The following SYNPR variants were observed in gnomAD, a reference collection of about 807,000 sequenced individuals.
The protein encoded by SYNPR is synaptoporin.
In SYNPR, 23 loss-of-function variants were observed where a neutral mutation model predicts 32.9. The ratio of observed to expected loss-of-function variants is 0.70; its 90% CI spans 0.50 to 0.99. SYNPR has a LOEUF of 0.99. Among genes scored for constraint, SYNPR ranks in the 50% least tolerant of loss-of-function variants. The pLI is 0.00. For missense variants in SYNPR, 318 were observed against 349.3 expected, an observed-to-expected ratio of 0.91 and a Z score of 0.71; for synonymous variants, 146 against 135.9, an observed-to-expected ratio of 1.07 and a Z score of -0.52.
At chr3:63,448,319 A>G (rs1700316911) in intron 2 of SYNPR, among the ~76,000 whole-genome samples, 1 of 152,162 alleles carries the variant, frequency 6.6e-6, no homozygotes, top group Admixed American at 6.6e-5. Context: ...CAATCTTTAA[A>G]TCCTCCCAAA....
At chr3:63,513,187 A>G (rs1701731737) in intron 3 of SYNPR, among the ~76,000 whole-genome samples, 1 of 126,096 alleles carries the variant, frequency 7.9e-6, no homozygotes. Context: ...ACACATAAGG[A>G]GAATTTGTTG....
intron 2 of SYNPR, among the ~76,000 whole-genome samples, chr3:63,282,573 C>T (rs995314501): frequency 2.9e-4 from 44 of 151,550 alleles, no homozygotes; most frequent in African/African-American, 1.0e-3. Context: ...GCCCCAGCTA[C>T]TTCTGAAACT....
At chr3:63,294,780 T>A (rs1030768305) in intron 2 of SYNPR, among the ~76,000 whole-genome samples, 2 of 152,222 alleles carry the variant, frequency 1.3e-5, no homozygotes, top group African/African-American at 2.4e-5. Context: ...ATTTATATTA[T>A]TTATTAATGT....
intron 2 of SYNPR, among the ~76,000 whole-genome samples, chr3:63,436,214 G>C (rs567444491): frequency 2.4e-4 from 36 of 151,912 alleles, no homozygotes; most frequent in African/African-American, 7.0e-4. Context: ...TAAGTTTTAG[G>C]GTAGATGTGC....
chr3:63,609,139 T>C lies in SYNPR; in HGVS notation c.423T>C (p.Thr141=), dbSNP rs1700162256. The C allele has an allele frequency of 1.2e-6, 2 of 1,608,746 alleles. No homozygotes were observed. Among genetic ancestry groups the C allele is most frequent in the East Asian group, 2.2e-5 (1 of 44,810 alleles). The change falls in exon 5 of 6, where the codon ACT becomes ACC. Residue 141 remains threonine, a synonymous_variant. Coordinates refer to ENST00000478300, the MANE Select transcript of SYNPR (RefSeq NM_001130003.2). ...NRGPLIDFIV[T]VVFSFLWLVG... ...TGTTTCTGTAGGACTTCATTGTCAC[T>C]GTAGTCTTTTCGTTCTTGTGGTTGG... is the stretch of plus-strand genomic sequence containing the variant.
chr3:63,615,030 T>C (rs551060861), intron 5 of SYNPR, among the ~76,000 whole-genome samples, 194 bp from the exon 6 acceptor site: 2 of 152,220 alleles, frequency 1.3e-5, no homozygotes, highest in Non-Finnish European at 2.9e-5. Context: ...CTTTATGTAG[T>C]GCCTGACATG....
intron 2 of SYNPR, among the ~76,000 whole-genome samples, chr3:63,384,165 T>C (rs1295742875): frequency 6.6e-6 from 1 of 152,248 alleles, no homozygotes; most frequent in Non-Finnish European, 1.5e-5. Context: ...AGCTATACTT[T>C]TTCCTGAACA....
intron 4 of SYNPR, among the ~76,000 whole-genome samples, chr3:63,608,912 T>A (rs2106903478): frequency 6.6e-6 from 1 of 152,276 alleles, no homozygotes; most frequent in South Asian, 2.1e-4. Context: ...AAGCATTTAA[T>A]AAATATTACT....
At chr3:63,477,836 T>A (rs1447445567) in intron 2 of SYNPR, among the ~76,000 whole-genome samples, 1 of 152,246 alleles carries the variant, frequency 6.6e-6, no homozygotes, top group Non-Finnish European at 1.5e-5. Context: ...CAAGAGCATG[T>A]CAGCAGGGAA....
chr3:63,523,475 C>A (rs941524807), intron 3 of SYNPR, among the ~76,000 whole-genome samples: 42 of 152,096 alleles, frequency 2.8e-4, no homozygotes, highest in African/African-American at 8.9e-4. Flanking sequence ...CCCTGGCCAC[C>A]CCCTACCTCA....
At position 63,241,040 on chromosome 3, in the gene SYNPR, T is replaced by TA. The variant is rs200871584; in HGVS notation, n.67-11449dup. On this transcript the variant is annotated intron_variant and non_coding_transcript_variant, in intron 1 of 4. Transcript: ENST00000478456. ...TATAGGTAATTCAGTCTGAAGACAT[T>TA]AAAAAAAAAATCCATGCTTTGCACA... Among the ~76,000 whole-genome samples the TA allele has an allele frequency of 1.8e-3, 262 of 149,700 alleles. 2 individuals are homozygous for TA. In the East Asian group the frequency reaches 0.044, roughly 25 times the overall value.
intron 1 of SYNPR, among the ~76,000 whole-genome samples, chr3:63,228,816 TG>T (rs1483663269): frequency 6.6e-6 from 1 of 151,206 alleles, no homozygotes; most frequent in Non-Finnish European, 1.5e-5. Context: ...AGAAAGTGCA[TG>T]GGAAAAAACA....
In SYNPR at chr3:63,292,958, C is replaced by T. The variant is rs377354479; in HGVS notation, c.84+14216C>T. Among the ~76,000 whole-genome samples, 5 of 152,180 alleles carry T rather than the reference C, an allele frequency of 3.3e-5. No individual in the cohort carries two copies. The South Asian group carries it at 1.0e-3, about 31-fold the overall frequency. On this transcript the variant is annotated intron_variant, in intron 2 of 5. Coordinates refer to ENST00000478300, the MANE Select transcript of SYNPR (RefSeq NM_001130003.2). Reference sequence around the variant, plus strand: ...GTTCTAGATCAGCATCCCAGACACACCATAGCCTCAGGCCGTCTGTAGGCT... The same window carrying T: ...GTTCTAGATCAGCATCCCAGACACATCATAGCCTCAGGCCGTCTGTAGGCT...
At chr3:63,391,013 G>A (rs2088126876) in intron 2 of SYNPR, among the ~76,000 whole-genome samples, 1 of 152,200 alleles carries the variant, frequency 6.6e-6, no homozygotes, top group Non-Finnish European at 1.5e-5. Flanking sequence ...CTCAATATTT[G>A]TTGAATGAAT....
intron 4 of SYNPR, among the ~76,000 whole-genome samples, chr3:63,596,209 C>T (rs1266113382): frequency 6.6e-6 from 1 of 151,078 alleles, no homozygotes; most frequent in Non-Finnish European, 1.5e-5. Context: ...TCTTCCTTCT[C>T]CCTTCTTCGT....
At chr3:63,437,038 G>T (rs1046369901) in intron 2 of SYNPR, among the ~76,000 whole-genome samples, 1 of 151,966 alleles carries the variant, frequency 6.6e-6, no homozygotes, top group East Asian at 1.9e-4. Context: ...CACCACGCCC[G>T]GCTAATTTTT....
chr3:63,276,814 G>A (rs17068053), upstream of SYNPR, among the ~76,000 whole-genome samples: 7,190 of 151,984 alleles, frequency 0.047, 240 homozygotes, highest in Middle Eastern at 0.095. Context: ...TGAGCAGGGG[G>A]CATTTACACT....
intron 2 of SYNPR, among the ~76,000 whole-genome samples, chr3:63,365,420 T>C (rs2087718642): frequency 6.6e-6 from 1 of 152,192 alleles, no homozygotes; most frequent in South Asian, 2.1e-4. Flanking sequence ...AAAGGAAGCT[T>C]TGATTTGAGC....
At chr3:63,349,129 G>A (rs1365901839) in intron 2 of SYNPR, among the ~76,000 whole-genome samples, 1 of 151,330 alleles carries the variant, frequency 6.6e-6, no homozygotes, top group Admixed American at 6.6e-5. Context: ...TTGAGATGGA[G>A]TCTCTCTCTA....
Sources: gnomAD v4.1 joint callset for allele counts (sites outside exome capture counted in the v4.1 genomes callset) on GRCh38, gnomAD v4.1.1 for gene constraint, MANE v1.5 for transcripts, NCBI Gene and HGNC (gene_info 2026-07-23, HGNC 2026-07-21) for gene names.